Variants in ZNF83 observed in about 807,000 individuals in gnomAD.
ZNF83 encodes the protein zinc finger protein 816B.
For missense variants in ZNF83, 552 were observed against 629.9 expected (o/e 0.88, Z 1.32); for synonymous variants, 209 against 213.0 (o/e 0.98, Z 0.17).
In ZNF83 at chr19:52,689,847, A is replaced by G. The variant is rs554872727; in HGVS notation, c.-283+596T>C. ...AGGAGCTTATTTTCCAGGGGCTGGA[A>G]CTGGGCAGGCAAGAACACCCCGTGT... On this transcript the variant is annotated intron_variant, in intron 1 of 5. Coordinates refer to the ZNF83 transcript ENST00000594682. 5.0e-3 allele frequency among the ~76,000 whole-genome samples: 769 copies of G among 152,290 alleles called. 6 individuals carry two copies. The highest frequency in any genetic ancestry group is 0.017 in the African/African-American group (705 of 41,546).
rs761621389 is a variant in ZNF83, at chr19:52,633,551, G to A, written c.-234+1515C>T. On this transcript the variant is annotated intron_variant, in intron 2 of 2. Coordinates refer to ENST00000301096, the Ensembl canonical transcript of ZNF83. ...GAAGGAGGGTGGAGGATGTGACAGGGAAAGGAGACGCTTTATGGCCAAGGG... is the reference window on the plus strand; with the variant it reads ...GAAGGAGGGTGGAGGATGTGACAGGAAAAGGAGACGCTTTATGGCCAAGGG... 7.3e-4 allele frequency among the ~76,000 whole-genome samples: 111 copies of A among 152,216 alleles called. 1 individual carries two copies. Among genetic ancestry groups the A allele is most frequent in the Non-Finnish European group, 6.6e-4 (45 of 68,046 alleles).
chr19:52,645,808 C>CT (rs988704325), intron 3 of ZNF83, among the ~76,000 whole-genome samples: 3 of 149,136 alleles, frequency 2.0e-5, no homozygotes, highest in African/African-American at 7.5e-5. Context: ...TTCTGCCCCC[C>CT]CCCAAAAAAA....
chr19:52,630,804 C>T (rs1424752039), intron 2 of ZNF83, among the ~76,000 whole-genome samples: 2 of 152,126 alleles, frequency 1.3e-5, no homozygotes, highest in Non-Finnish European at 2.9e-5. Context: ...AGCCTGTTAT[C>T]ACTCGCCTGT....
At chr19:52,656,909 T>A (rs1239042418) in intron 2 of ZNF83, among the ~76,000 whole-genome samples, 1 of 150,586 alleles carries the variant, frequency 6.6e-6, no homozygotes, top group Non-Finnish European at 1.5e-5. Context: ...CCATTAATGC[T>A]CTCCTGGACA....
chr19:52,659,677 G>T (rs1169110445), intron 2 of ZNF83, among the ~76,000 whole-genome samples: 6 of 149,332 alleles, frequency 4.0e-5, no homozygotes, highest in Non-Finnish European at 8.9e-5. Flanking sequence ...GAACAGAAAA[G>T]CTTGTTGGAA....
intron 3 of ZNF83, chr19:52,654,531 G>A (rs148660544): frequency 4.0e-5 from 18 of 447,748 alleles, no homozygotes; most frequent in African/African-American, 2.9e-4. Flanking sequence ...GATCTTCAAA[G>A]TTTAAGAACA....
intron 1 of ZNF83, among the ~76,000 whole-genome samples, chr19:52,686,984 C>G (rs2147375472): frequency 6.6e-6 from 1 of 151,928 alleles, no homozygotes; most frequent in South Asian, 2.1e-4. Flanking sequence ...GAGTTTGAGA[C>G]CAGCCTCTCT....
At chr19:52,634,143 G>A (rs952803636) in intron 2 of ZNF83, among the ~76,000 whole-genome samples, 3 of 151,454 alleles carry the variant, frequency 2.0e-5, no homozygotes, top group Non-Finnish European at 2.9e-5. Flanking sequence ...GTGGTGGCAT[G>A]TACCTGTAAT....
intron 1 of ZNF83, among the ~76,000 whole-genome samples, chr19:52,661,782 G>A (rs955124432): frequency 2.0e-5 from 3 of 152,176 alleles, no homozygotes; most frequent in South Asian, 4.1e-4. Context: ...TGGACCAGAG[G>A]TGGGGGTGAA....
At chr19:52,623,297 G>T (rs866568719) in intron 2 of ZNF83, among the ~76,000 whole-genome samples, 3 of 149,118 alleles carry the variant, frequency 2.0e-5, no homozygotes, top group African/African-American at 7.8e-5. Flanking sequence ...ACAGTGGGGC[G>T]TAAGTCCATC....
At chr19:52,613,531 T>C (rs746440957) in exon 3 of ZNF83, 23 of 1,613,702 alleles carry the variant, frequency 1.4e-5, no homozygotes, top group Admixed American at 3.3e-5. Context: ...ATTACATTTG[T>C]AAGGTTTCTC....
chr19:52,634,552 A>G (rs917196364), intron 2 of ZNF83, among the ~76,000 whole-genome samples: 2 of 152,186 alleles, frequency 1.3e-5, no homozygotes, highest in African/African-American at 4.8e-5. Context: ...TGAACTTTCC[A>G]TTCTAATTAG....
chr19:52,668,112 G>A (rs2061678340), intron 1 of ZNF83, among the ~76,000 whole-genome samples: 1 of 152,108 alleles, frequency 6.6e-6, no homozygotes, highest in African/African-American at 2.4e-5. Flanking sequence ...TTTAAAACAA[G>A]AGTCTCTCAG....
intron 1 of ZNF83, among the ~76,000 whole-genome samples, chr19:52,677,318 A>C (rs931707601): frequency 8.2e-5 from 9 of 110,324 alleles, no homozygotes; most frequent in East Asian, 4.6e-4. Context: ...AAAAAAAAAA[A>C]AAAAAAAAAA....
At chr19:52,636,986 C>T (rs995299725) in intron 1 of ZNF83, 3 of 152,316 alleles carry the variant, frequency 2.0e-5, no homozygotes, top group Non-Finnish European at 2.9e-5. Context: ...TGCTTCCCTC[C>T]CTAATTGTGT....
intron 2 of ZNF83, among the ~76,000 whole-genome samples, chr19:52,625,854 A>G (rs565401460): frequency 2.0e-5 from 3 of 152,258 alleles, no homozygotes; most frequent in Admixed American, 2.0e-4. Flanking sequence ...ATCAGTCCCC[A>G]TTACAACCTC....
chr19:52,633,404 ATTTCT>A (rs1489244481), intron 2 of ZNF83, among the ~76,000 whole-genome samples: 3 of 152,148 alleles, frequency 2.0e-5, no homozygotes, highest in African/African-American at 7.2e-5. Context: ...GAAAAATATA[ATTTCT>A]TTTAATTTAC....
chr19:52,640,705 C>T (rs58624870), upstream of ZNF83, among the ~76,000 whole-genome samples: 1,550 of 152,210 alleles, frequency 0.01, 33 homozygotes, highest in African/African-American at 0.035. Context: ...CTCCCCACTG[C>T]GCTGCCCCAG....
intron 3 of ZNF83, chr19:52,653,257 T>A: frequency 6.6e-7 from 1 of 1,508,788 alleles, no homozygotes; most frequent in East Asian, 2.3e-5. Flanking sequence ...ATGAAGCCTA[T>A]AATGACATGC....
Sources: allele counts gnomAD v4.1 joint callset (sites outside exome capture counted in the v4.1 genomes callset), GRCh38; gene constraint gnomAD v4.1.1; transcripts MANE v1.5; gene names NCBI Gene and HGNC (gene_info 2026-07-23, HGNC 2026-07-21).